COBL: variants seen among roughly 807,000 people sequenced by gnomAD.
The protein encoded by COBL is protein cordon-bleu.
In COBL, 51 loss-of-function variants were observed where a neutral mutation model predicts 98.8. The ratio of observed to expected loss-of-function variants is 0.52; its 90% CI spans 0.41 to 0.65. The LOEUF (loss-of-function observed/expected upper bound fraction) is 0.65. Among genes scored for constraint, COBL ranks in the 30% least tolerant of loss-of-function variants. The pLI is 0.00. For synonymous variants in COBL, 634 were observed against 651.7 expected (o/e 0.97, Z 0.41); for missense variants, 1,617 against 1,617.5 (o/e 1.00, Z 0.01).
intron 1 of COBL, among the ~76,000 whole-genome samples, chr7:51,227,582 C>T (rs1256860122): frequency 2.0e-5 from 3 of 152,166 alleles, no homozygotes; most frequent in African/African-American, 7.2e-5. Context: ...GATCCCAGCT[C>T]TGATGACTTC....
chr7:51,098,204 C>G (rs1046134218), intron 6 of COBL, among the ~76,000 whole-genome samples: 9 of 95,262 alleles, frequency 9.4e-5, no homozygotes, highest in Non-Finnish European at 1.8e-4. Flanking sequence ...CAATCACTAC[C>G]AAAATCCCAA....
At chr7:51,146,409 A>G (rs1035326810) in intron 5 of COBL, among the ~76,000 whole-genome samples, 2 of 152,212 alleles carry the variant, frequency 1.3e-5, no homozygotes, top group Non-Finnish European at 2.9e-5. Context: ...AGGCATACTC[A>G]TCTCAAGGTC....
intron 5 of COBL, among the ~76,000 whole-genome samples, chr7:51,163,756 T>A (rs1160048876): frequency 6.6e-6 from 1 of 152,230 alleles, no homozygotes; most frequent in Non-Finnish European, 1.5e-5. Context: ...CTGATGGGCA[T>A]GAACATTGCT....
intron 6 of COBL, among the ~76,000 whole-genome samples, chr7:51,131,756 G>A (rs980501407): frequency 6.6e-6 from 1 of 152,168 alleles, no homozygotes; most frequent in Admixed American, 6.5e-5. Context: ...ACCACGCCCA[G>A]CTAATTTTTG....
chr7:51,156,451 A>G (rs974375118), intron 5 of COBL: 232 of 985,142 alleles, frequency 2.4e-4, no homozygotes, highest in Non-Finnish European at 2.7e-4. Flanking sequence ...ATCACCCAGC[A>G]GGAAGCATCA....
At chr7:51,024,036 G>A (rs1251663693) in intron 12 of COBL, among the ~76,000 whole-genome samples, 7 of 152,184 alleles carry the variant, frequency 4.6e-5, no homozygotes, top group East Asian at 1.9e-4. Context: ...TTTGCCGGGC[G>A]CAGTGGCTCA....
intron 1 of COBL, among the ~76,000 whole-genome samples, chr7:51,238,261 C>T (rs937834476): frequency 2.0e-5 from 3 of 152,222 alleles, no homozygotes; most frequent in Non-Finnish European, 4.4e-5. Context: ...CACCTGAGTA[C>T]CTTAGAGAAC....
chr7:51,132,518 A>ATCTTT (rs996354219), intron 6 of COBL, among the ~76,000 whole-genome samples: 24 of 152,286 alleles, frequency 1.6e-4, no homozygotes, highest in African/African-American at 5.8e-4. Context: ...CCTACTCACA[A>ATCTTT]TCTTAATCCT....
intron 5 of COBL, among the ~76,000 whole-genome samples, chr7:51,159,441 C>T (rs1254396366): frequency 6.6e-6 from 1 of 152,140 alleles, no homozygotes; most frequent in Admixed American, 6.5e-5. Context: ...GAAAGGATAC[C>T]GAGGGACAGA....
chr7:51,191,313 G>C (rs73316864), intron 3 of COBL, among the ~76,000 whole-genome samples: 1 of 152,002 alleles, frequency 6.6e-6, no homozygotes, highest in Admixed American at 6.6e-5. Flanking sequence ...ACAACACAGC[G>C]AAATAAACAT....
chr7:51,305,260 T>A (rs1442713850), intron 1 of COBL, among the ~76,000 whole-genome samples: 2 of 152,224 alleles, frequency 1.3e-5, no homozygotes, highest in Non-Finnish European at 2.9e-5. Context: ...GGGTAAATCA[T>A]GAAAGCCAGC....
chr7:51,168,348 A>G (rs1255525163), intron 5 of COBL, among the ~76,000 whole-genome samples: 1 of 152,136 alleles, frequency 6.6e-6, no homozygotes, highest in Non-Finnish European at 1.5e-5. Context: ...AGGCAGGAGA[A>G]TCACTTGAAT....
chr7:51,175,924 T>C (rs1438360082), intron 5 of COBL, among the ~76,000 whole-genome samples: 1 of 152,206 alleles, frequency 6.6e-6, no homozygotes, highest in Non-Finnish European at 1.5e-5. Context: ...CCTTCCCACG[T>C]TTTCCTGCCT....
intron 1 of COBL, among the ~76,000 whole-genome samples, chr7:51,299,951 T>G (rs1801773793): frequency 6.6e-6 from 1 of 152,146 alleles, no homozygotes; most frequent in Non-Finnish European, 1.5e-5. Context: ...CTCCTAGTGG[T>G]GCACTCATCT....
At chr7:51,167,935 T>C (rs1389278825) in intron 5 of COBL, among the ~76,000 whole-genome samples, 1 of 152,122 alleles carries the variant, frequency 6.6e-6, no homozygotes, top group African/African-American at 2.4e-5. Flanking sequence ...AAGACTTAAA[T>C]CTAAGACCTG....
rs529746912 is a variant in COBL, at chr7:51,070,068, A to G, written c.1096+15098T>C. On this transcript the variant is annotated intron_variant, in intron 7 of 12. Transcript: ENST00000265136. ...TATTTTCTTAATAAGAAGGAAAAAG[A>G]AGGGTTATAACATAAAGCCTTTAAG... Among the ~76,000 whole-genome samples, 10 of 152,336 alleles carry G rather than the reference A, an allele frequency of 6.6e-5. No individual in the cohort carries two copies. The East Asian group carries it at 1.9e-3, about 29-fold the overall frequency.
chr7:51,259,509 C>G (rs1440101224), intron 1 of COBL: 14 of 649,868 alleles, frequency 2.2e-5, no homozygotes, highest in Admixed American at 1.7e-4. Flanking sequence ...GAAACCCACT[C>G]TATTTGTGGT....
At chr7:51,216,565 T>G (rs1793072564) in intron 2 of COBL, among the ~76,000 whole-genome samples, 1 of 152,146 alleles carries the variant, frequency 6.6e-6, no homozygotes, top group Admixed American at 6.5e-5. Context: ...ATCCTTAAGG[T>G]AGGCCAGAAC....
At chr7:51,157,821 A>T (rs1786337552) in intron 5 of COBL, among the ~76,000 whole-genome samples, 1 of 152,224 alleles carries the variant, frequency 6.6e-6, no homozygotes, top group South Asian at 2.1e-4. Flanking sequence ...AAATATAAGT[A>T]TGTGAGGTCA....
Sources: gnomAD v4.1 joint callset for allele counts (sites outside exome capture counted in the v4.1 genomes callset) on GRCh38, gnomAD v4.1.1 for gene constraint, MANE v1.5 for transcripts, NCBI Gene and HGNC (gene_info 2026-07-23, HGNC 2026-07-21) for gene names.